AKT3: variants seen among roughly 807,000 people sequenced by gnomAD.
The protein encoded by AKT3 is RAC-gamma serine/threonine-protein kinase.
In AKT3, 15 loss-of-function variants were observed where a neutral mutation model predicts 65.3. The observed-to-expected ratio is 0.23, with a 90% CI of 0.15 to 0.35. AKT3 has a LOEUF of 0.35. Among genes scored for constraint, AKT3 ranks in the 10% least tolerant of loss-of-function variants. The pLI, the probability that AKT3 is intolerant of heterozygous loss-of-function variation, is 1.00. For missense variants in AKT3, 243 were observed against 576.5 expected, an observed-to-expected ratio of 0.42 and a Z score of 5.92; for synonymous variants, 206 against 183.8, an observed-to-expected ratio of 1.12 and a Z score of -0.98.
intron 8 of AKT3, among the ~76,000 whole-genome samples, chr1:243,581,644 G>A (rs1675365442): frequency 6.6e-6 from 1 of 152,030 alleles, no homozygotes; most frequent in Non-Finnish European, 1.5e-5. Context: ...AGGGTCTCCA[G>A]ATAAGAAAAA....
chr1:243,651,611 T>A lies in AKT3; in HGVS notation c.285-5574A>T, dbSNP rs115613610. Among the ~76,000 whole-genome samples, 699 of 152,296 alleles carry A rather than the reference T, an allele frequency of 4.6e-3. 5 individuals carry two copies. The highest frequency in any genetic ancestry group is 0.016 in the African/African-American group (675 of 41,560). ...GAGAGTTTTTAGCATGAAGGGGAGT[T>A]GAGTTTTGTTGAAAGCCTTTTCTGC... On this transcript the variant is annotated intron_variant, in intron 4 of 13. Transcript: ENST00000673466.
chr1:243,708,567 G>A (rs564321631), intron 2 of AKT3, among the ~76,000 whole-genome samples: 4 of 152,018 alleles, frequency 2.6e-5, no homozygotes, highest in East Asian at 1.9e-4. Flanking sequence ...GTTTTCAAAT[G>A]TTTCCAGTGA....
intron 13 of AKT3, among the ~76,000 whole-genome samples, chr1:243,506,055 T>C (rs1669645419): frequency 1.3e-5 from 2 of 152,372 alleles, no homozygotes; most frequent in South Asian, 2.1e-4. Context: ...CCTGTTCTCA[T>C]AAATGTCCTG....
intron 2 of AKT3, among the ~76,000 whole-genome samples, chr1:243,826,289 G>A (rs1021958450): frequency 2.6e-5 from 4 of 152,090 alleles, no homozygotes; most frequent in Non-Finnish European, 4.4e-5. Flanking sequence ...GTCTCTCCTG[G>A]GTATCTGATT....
chr1:243,844,847 G>C (rs1192686426), intron 1 of AKT3, among the ~76,000 whole-genome samples: 5 of 152,050 alleles, frequency 3.3e-5, no homozygotes, highest in Non-Finnish European at 7.4e-5. Context: ...AGTTTTACAG[G>C]GTCATTGCTT....
intron 2 of AKT3, among the ~76,000 whole-genome samples, chr1:243,800,698 CAG>C (rs546458977): frequency 6.3e-4 from 95 of 150,692 alleles, no homozygotes; most frequent in South Asian, 3.2e-3. Context: ...AGCCCAGCGA[CAG>C]AGTGAGACTC....
In AKT3 at chr1:243,512,379, T is replaced by C. The variant is rs1285321359; in HGVS notation, c.1299A>G (p.Arg433=). ...KPQVTSETDT[R]YFDEEFTAQT... The stretch of plus-strand genomic sequence containing the variant: ...GAGCTGTAAATTCTTCATCAAAATA[T>C]CTAGTATCTGTCTCAGATGTTACTT... The change falls in exon 13 of 14, where the codon AGA becomes AGG. Residue 433 remains arginine (R), a synonymous_variant. Transcript: ENST00000673466. 6.3e-7 allele frequency: 1 copy of C among 1,591,856 alleles called. No individual in the cohort carries two copies. The highest frequency in any genetic ancestry group is 1.1e-5 in the South Asian group (1 of 87,940).
At chr1:243,490,321 G>C (rs190304655) in intron 13 of AKT3, among the ~76,000 whole-genome samples, 2 of 152,210 alleles carry the variant, frequency 1.3e-5, no homozygotes, top group Non-Finnish European at 2.9e-5. Flanking sequence ...CAGGGACTGT[G>C]GGGGAGCGGG....
Position 243,705,467 on chromosome 1 carries a change from T to C in AKT3, c.47-9751A>G, listed in dbSNP as rs145161310. 3.3e-3 allele frequency among the ~76,000 whole-genome samples: 504 copies of C among 152,318 alleles called. 4 individuals are homozygous for C. Among genetic ancestry groups the C allele is most frequent in the African/African-American group, 0.012 (499 of 41,570 alleles). ...TATTTGTTTCATGATATTCGGTAAA[T>C]TGACTAATCAAATCCTTGTTCCACT... On this transcript the variant is annotated intron_variant, in intron 2 of 13. Transcript: ENST00000673466.
intron 2 of AKT3, among the ~76,000 whole-genome samples, chr1:243,696,189 TA>T (rs1685053192): frequency 6.6e-6 from 1 of 151,928 alleles, no homozygotes; most frequent in African/African-American, 2.4e-5. Context: ...TTTTCATTAA[TA>T]AATCTTGACT....
At chr1:243,533,689 T>C (rs766975523) in intron 12 of AKT3, among the ~76,000 whole-genome samples, 7 of 151,876 alleles carry the variant, frequency 4.6e-5, no homozygotes, top group Non-Finnish European at 7.4e-5. Flanking sequence ...GCAAGGGCAA[T>C]GGATAAAAAA....
chr1:243,654,889 A>G (rs905232148), intron 4 of AKT3, among the ~76,000 whole-genome samples: 1 of 152,054 alleles, frequency 6.6e-6, no homozygotes, highest in Admixed American at 6.6e-5. Flanking sequence ...TTGTTTTTTA[A>G]TAGTCTAATG....
intron 2 of AKT3, among the ~76,000 whole-genome samples, chr1:243,833,776 G>A (rs1213893260): frequency 6.6e-6 from 1 of 151,526 alleles, no homozygotes; most frequent in Non-Finnish European, 1.5e-5. Flanking sequence ...AAATGAAGAT[G>A]AGCCCAGCCA....
intron 3 of AKT3, among the ~76,000 whole-genome samples, chr1:243,682,969 A>G (rs4658588): frequency 0.53 from 79,969 of 152,030 alleles, 24,364 homozygotes; most frequent in Non-Finnish European, 0.69. Flanking sequence ...AAACATCTCA[A>G]AATACCAATC....
intron 8 of AKT3, among the ~76,000 whole-genome samples, chr1:243,593,736 T>G (rs1676401011): frequency 6.6e-6 from 1 of 152,096 alleles, no homozygotes; most frequent in Admixed American, 6.6e-5. Context: ...CACAAAAACC[T>G]TTAAAGAAAA....
intron 5 of AKT3, among the ~76,000 whole-genome samples, chr1:243,641,317 C>T (rs1464589353): frequency 3.3e-5 from 5 of 149,880 alleles, no homozygotes. Flanking sequence ...CATATATACA[C>T]ACATATATAT....
downstream of AKT3, among the ~76,000 whole-genome samples, chr1:243,497,259 A>G (rs955643880): frequency 1.1e-4 from 16 of 142,526 alleles, no homozygotes; most frequent in Non-Finnish European, 2.1e-4. Context: ...CAAAACGGTG[A>G]CCTCCTAGGA....
intron 8 of AKT3, among the ~76,000 whole-genome samples, chr1:243,593,388 A>T (rs991159234): frequency 2.0e-5 from 3 of 152,206 alleles, no homozygotes; most frequent in African/African-American, 7.2e-5. Context: ...AATGTAATTT[A>T]TCAAATGTAC....
intron 4 of AKT3, among the ~76,000 whole-genome samples, chr1:243,662,258 T>C (rs1483040773): frequency 6.6e-6 from 1 of 152,054 alleles, no homozygotes; most frequent in Non-Finnish European, 1.5e-5. Flanking sequence ...CATGCACATG[T>C]ATGTTTATTG....
Sources: gnomAD v4.1 joint callset for allele counts (sites outside exome capture counted in the v4.1 genomes callset) on GRCh38, gnomAD v4.1.1 for gene constraint, MANE v1.5 for transcripts, NCBI Gene and HGNC (gene_info 2026-07-23, HGNC 2026-07-21) for gene names.